The following MSTO1 variants were observed in gnomAD, a reference collection of about 807,000 sequenced individuals.
MSTO1 encodes the protein misato mitochondrial distribution and morphology regulator 1.
In MSTO1, 24 loss-of-function variants were observed where a neutral mutation model predicts 55.7. That is an observed-to-expected ratio of 0.43 (90% CI 0.31 to 0.61). The LOEUF is 0.61. Among genes scored for constraint, MSTO1 ranks in the 20% least tolerant of loss-of-function variants. The pLI is 0.09. For missense variants in MSTO1, 363 were observed against 625.7 expected, an observed-to-expected ratio of 0.58 and a Z score of 4.48; for synonymous variants, 162 against 252.8, an observed-to-expected ratio of 0.64 and a Z score of 3.41.
the MSTO1 span, among the ~76,000 whole-genome samples, chr1:155,585,394 G>A: frequency 3.3e-5 from 5 of 152,022 alleles, no homozygotes; most frequent in African/African-American, 1.2e-4. Flanking sequence ...GTGGTGGCGG[G>A]CACCTATAGT....
At chr1:155,571,236 T>C in the MSTO1 span, among the ~76,000 whole-genome samples, 1 of 152,178 alleles carries the variant, frequency 6.6e-6, no homozygotes, top group African/African-American at 2.4e-5. Context: ...ATGGGCTGCA[T>C]ACAACCCAGG....
chr1:155,591,277 A>G, the MSTO1 span: 3 of 1,573,604 alleles, frequency 1.9e-6, no homozygotes, highest in African/African-American at 4.0e-5. Flanking sequence ...AGATTGAAGG[A>G]GCTGCACTGC....
At chr1:155,583,250 C>T in the MSTO1 span, among the ~76,000 whole-genome samples, 3 of 137,562 alleles carry the variant, frequency 2.2e-5, no homozygotes, top group Non-Finnish European at 1.5e-5. Context: ...TACTTGAAAA[C>T]TAGTGAGGGC....
the MSTO1 span, among the ~76,000 whole-genome samples, chr1:155,573,806 C>CT: frequency 2.0e-5 from 3 of 149,584 alleles, no homozygotes; most frequent in Admixed American, 6.7e-5. Flanking sequence ...CTATTGCACT[C>CT]CAGCCTGGGT....
the MSTO1 span, among the ~76,000 whole-genome samples, chr1:155,580,030 C>T: frequency 4.0e-5 from 6 of 149,964 alleles, no homozygotes; most frequent in Admixed American, 3.3e-4. Context: ...GAGCCGAGAT[C>T]GGGCCACTGC....
chr1:155,590,073 G>C, the MSTO1 span, among the ~76,000 whole-genome samples: 1 of 152,078 alleles, frequency 6.6e-6, no homozygotes, highest in Non-Finnish European at 1.5e-5. Context: ...ACATAGCTGG[G>C]ACCTGACCCT....
the MSTO1 span, among the ~76,000 whole-genome samples, chr1:155,572,580 C>T: frequency 7.2e-5 from 11 of 152,056 alleles, no homozygotes; most frequent in Non-Finnish European, 1.5e-4. Flanking sequence ...GCCATGGTTT[C>T]GGGCACCTGT....
At chr1:155,607,723 C>A (rs1435246169), upstream of MSTO1, among the ~76,000 whole-genome samples, 1 of 152,168 alleles carries the variant, frequency 6.6e-6, no homozygotes, top group Non-Finnish European at 1.5e-5. Flanking sequence ...GAAATAGTAG[C>A]CGGGCATATT....
the MSTO1 span, among the ~76,000 whole-genome samples, chr1:155,582,497 G>A: frequency 6.6e-6 from 1 of 151,424 alleles, no homozygotes; most frequent in African/African-American, 2.4e-5. Flanking sequence ...GTCTCATTCT[G>A]TCGCCAGGCT....
At chr1:155,571,011 A>G in the MSTO1 span, among the ~76,000 whole-genome samples, 1 of 152,192 alleles carries the variant, frequency 6.6e-6, no homozygotes, top group Non-Finnish European at 1.5e-5. Context: ...CATTATTTCT[A>G]GCAAAAACAC....
chr1:155,577,649 G>C, the MSTO1 span, among the ~76,000 whole-genome samples: 4 of 152,134 alleles, frequency 2.6e-5, no homozygotes, highest in Admixed American at 6.6e-5. Context: ...GTAAGTTTTG[G>C]AATCAAGATG....
At chr1:155,579,373 G>A in the MSTO1 span, among the ~76,000 whole-genome samples, 3 of 151,874 alleles carry the variant, frequency 2.0e-5, no homozygotes, top group Non-Finnish European at 4.4e-5. Flanking sequence ...AGGAAGACTA[G>A]GACAGTGAAT....
chr1:155,609,458 C>T (rs1181790033), upstream of MSTO1, among the ~76,000 whole-genome samples: 1 of 150,578 alleles, frequency 6.6e-6, no homozygotes, highest in African/African-American at 2.4e-5. Context: ...CCGTGTTAGC[C>T]AGGATGGTCT....
upstream of MSTO1, among the ~76,000 whole-genome samples, chr1:155,606,701 T>A (rs1402967120): frequency 1.3e-5 from 2 of 151,540 alleles, no homozygotes; most frequent in Non-Finnish European, 2.9e-5. Flanking sequence ...CCTTTTTTTT[T>A]GTAGCAACAA....
the MSTO1 span, chr1:155,591,083 G>T: frequency 1.2e-6 from 2 of 1,613,624 alleles, no homozygotes; most frequent in Admixed American, 3.3e-5. Flanking sequence ...CACTGCATCT[G>T]GCTAGTGCTC....
chr1:155,567,800 C>T, the MSTO1 span, among the ~76,000 whole-genome samples: 1 of 151,144 alleles, frequency 6.6e-6, no homozygotes. Context: ...TTTGGGAGGC[C>T]AAGGCAGGTG....
intron 13 of MSTO1, 98 bp from the exon 14 acceptor site, chr1:155,613,961 A>G: frequency 6.6e-7 from 1 of 1,512,080 alleles, no homozygotes; most frequent in Non-Finnish European, 8.9e-7. Context: ...TGAGTTTACA[A>G]TCAAGTCTAC....
At chr1:155,598,839 CG>C in the MSTO1 span, 1 of 1,400,014 alleles carries the variant, frequency 7.1e-7, no homozygotes, top group Non-Finnish European at 1.0e-6. Flanking sequence ...AGAAGGGAAC[CG>C]GAAAAACACT....
the MSTO1 span, among the ~76,000 whole-genome samples, chr1:155,566,614 T>A: frequency 6.9e-6 from 1 of 145,350 alleles, no homozygotes; most frequent in Non-Finnish European, 1.5e-5. Flanking sequence ...ATAAAGTTAA[T>A]TTTTTTTTTT....
Sources: allele counts gnomAD v4.1 joint callset (sites outside exome capture counted in the v4.1 genomes callset), GRCh38; gene constraint gnomAD v4.1.1; transcripts MANE v1.5; gene names NCBI Gene and HGNC (gene_info 2026-07-23, HGNC 2026-07-21).